CASKIN1: variants seen among roughly 807,000 people sequenced by gnomAD.
CASKIN1 encodes the protein caskin-1.
CASKIN1 carries 42 observed loss-of-function variants against 117.5 expected under a neutral mutation model. That is an observed-to-expected ratio of 0.36 (90% CI 0.28 to 0.46). The LOEUF is 0.46. Ranked by LOEUF, CASKIN1 falls within the 20% of genes least tolerant of loss-of-function variation. The pLI, the probability that CASKIN1 is intolerant of heterozygous loss-of-function variation, is 1.00. For missense variants in CASKIN1, 2,083 were observed against 2,077.3 expected (o/e 1.00, Z -0.05); for synonymous variants, 1,148 against 961.7 (o/e 1.19, Z -3.59).
chr16:2,189,121 C>T lies in CASKIN1; in HGVS notation c.523G>A (p.Ala175Thr), dbSNP rs181410156. 6.2e-7 allele frequency: 1 copy of T among 1,613,424 alleles called. No individual in the cohort carries two copies. The highest frequency in any genetic ancestry group is 2.2e-5 in the East Asian group (1 of 44,868). ...TCTCCCGGCCGGGGCTCCAGCAGCG[C>T]CGCACACATATTGCTGCTGAGGAGC... Reference protein sequence around the residue: ...QLLLSSNMCAALLEPRPGDAT... With the variant: ...QLLLSSNMCATLLEPRPGDAT... The change falls in exon 6 of 20, where the codon GCG becomes ACG. Residue 175 changes from alanine to threonine, a missense_variant. By Grantham distance (58) the Ala-to-Thr change is moderately conservative. This residue lies in a region of CASKIN1 where 203 missense variants were observed against 338.7 expected (regional missense o/e 0.60). Coordinates refer to ENST00000343516, the MANE Select transcript of CASKIN1 (RefSeq NM_020764.4).
At position 2,177,743 on chromosome 16, in the gene CASKIN1, G is replaced by A. The variant is rs957771225; in HGVS notation, c.*807C>T. ...ACACCCACATTCACCAAACCCACCC[G>A]CGCCCTGGGACGCAGCCACGCCAGG... On this transcript the variant is annotated 3_prime_UTR_variant, in exon 20 of 20. Transcript: ENST00000343516. The A allele has an allele frequency of 4.5e-5, 11 of 242,630 alleles. No individual in the cohort carries two copies. Among genetic ancestry groups the A allele is most frequent in the African/African-American group, 8.9e-5 (4 of 45,048 alleles). The allele number at this position is 242,630 out of a possible 1,614,324, so 15.0% of individuals were successfully genotyped here.
At chr16:2,178,701 AC>A in intron 19 of CASKIN1, 55 bp from the exon 20 acceptor site, 3 of 1,478,612 alleles carry the variant, frequency 2.0e-6, no homozygotes, top group Non-Finnish European at 2.7e-6. Context: ...GGCCACGCCC[AC>A]CCCGACCAGG....
rs563309232 is a variant in CASKIN1, at chr16:2,196,442, G to T, written c.-10C>A. On this transcript the variant is annotated 5_prime_UTR_variant, in exon 1 of 20. Transcript: ENST00000343516. This position sits in a 1 kb window ranked among gnomAD's most constrained non-coding sequence, Gnocchi z 5.7. ...CCTGCTCCTTCCCCATGGCGCGGCC[G>T]GGGCCGCAGCGACGCGGCTGCGCTC... 5 of 1,247,078 alleles carry T rather than the reference G, an allele frequency of 4.0e-6. No individual in the cohort carries two copies. Among genetic ancestry groups the T allele is most frequent in the Admixed American group, 3.2e-5 (1 of 31,666 alleles). 77.3% of individuals were successfully genotyped at this position (1,247,078 alleles called of 1,614,324 possible).
rs1418472356 is a variant in CASKIN1, at chr16:2,186,992, C to T, written c.916G>A (p.Gly306Arg). 1 of 1,613,862 alleles carries T rather than the reference C, an allele frequency of 6.2e-7. No individual in the cohort carries two copies. ...YDLTSLNVKA[G>R]DIITVLEQHP... Reference sequence around the variant, plus strand: ...GCCATGCTTACTGTGATGATGTCCCCTGCCTTCACGTTGAGGCTGGTCAGG... The same window carrying T: ...GCCATGCTTACTGTGATGATGTCCCTTGCCTTCACGTTGAGGCTGGTCAGG... Residue 306 changes from glycine to arginine, a missense_variant, in exon 9 of 20, where the codon GGG becomes AGG. Gly to Arg is a moderately radical substitution (Grantham distance 125). This residue lies in a region of CASKIN1 where 1,818 missense variants were observed against 1,688.9 expected (regional missense o/e 1.08). Coordinates refer to ENST00000343516, the MANE Select transcript of CASKIN1 (RefSeq NM_020764.4).
Position 2,178,646 on chromosome 16 carries a change from G to T in CASKIN1, c.4200C>A (p.Arg1400=). 3.8e-6 allele frequency: 6 copies of T among 1,587,358 alleles called. No individual in the cohort carries two copies. The highest frequency in any genetic ancestry group is 1.4e-5 in the African/African-American group (1 of 72,614). Residue 1400 remains arginine (R), a splice_region_variant and synonymous_variant, in exon 20 of 20, where the codon CGC becomes CGA. Coordinates refer to ENST00000343516, the MANE Select transcript of CASKIN1 (RefSeq NM_020764.4). ...KIRQEDAQGP[R]DSAAEKSTGS... The stretch of plus-strand genomic sequence containing the variant: ...CAGTGCTCTTTTCCGCCGCCGAGTC[G>T]CTGCGGGGCGCGGGGCAAGGGGCGT...
At chr16:2,195,345 C>T (rs1458860429) in intron 1 of CASKIN1, among the ~76,000 whole-genome samples, 1 of 152,154 alleles carries the variant, frequency 6.6e-6, no homozygotes, top group Non-Finnish European at 1.5e-5. Flanking sequence ...GAGGGGGACT[C>T]TCTGGCTTAC....
Position 2,180,475 on chromosome 16 carries a change from C to T in CASKIN1, c.2893G>A (p.Glu965Lys). ...TCAGGCTCGGCGTCAGGCACCGGCT[C>T]ATCCGCCAGGTTGGCACTAGCCAGG... is the stretch of plus-strand genomic sequence containing the variant. Reference protein sequence around the residue: ...SALASANLADEPVPDAEPEDG... With the variant: ...SALASANLADKPVPDAEPEDG... The change falls in exon 18 of 20, where the codon GAG (glutamate) becomes AAG (lysine). Residue 965 changes from glutamate (E) to lysine (K), a missense_variant. Coordinates refer to ENST00000343516, the MANE Select transcript of CASKIN1 (RefSeq NM_020764.4). 1.3e-6 allele frequency: 2 copies of T among 1,552,008 alleles called. No individual in the cohort carries two copies. Among genetic ancestry groups the T allele is most frequent in the South Asian group, 2.3e-5 (2 of 85,670 alleles).
chr16:2,189,100 C>T lies in CASKIN1; in HGVS notation c.544G>A (p.Gly182Arg). ...MCAALLEPRP[G>R]DATDPNGTSP... ...GTGCCGTTGGGGTCGGTGGCGTCTCCCGGCCGGGGCTCCAGCAGCGCCGCA... is the reference window on the plus strand; with the variant it reads ...GTGCCGTTGGGGTCGGTGGCGTCTCTCGGCCGGGGCTCCAGCAGCGCCGCA... Residue 182 changes from glycine (G) to arginine (R), a missense_variant, in exon 6 of 20, where the codon GGA (glycine) becomes AGA (arginine). By Grantham distance (125) the Gly-to-Arg change is moderately radical. Coordinates refer to ENST00000343516, the MANE Select transcript of CASKIN1 (RefSeq NM_020764.4). 2 of 1,613,554 alleles carry T rather than the reference C, an allele frequency of 1.2e-6. No homozygotes were observed. The highest frequency in any genetic ancestry group is 1.7e-6 in the Non-Finnish European group (2 of 1,179,810).
chr16:2,195,060 C>A (rs1470942346), intron 1 of CASKIN1, among the ~76,000 whole-genome samples: 3 of 152,166 alleles, frequency 2.0e-5, no homozygotes, highest in East Asian at 3.9e-4. Context: ...CTTTACCTTG[C>A]CTTCCCTCAA....
rs759074460 is a variant in CASKIN1 at position 2,179,839 on chromosome 16, C to T, written c.3529G>A (p.Val1177Met). ...LSVYHNGTGT[V>M]RRRPASEQAG... is the part of the protein sequence containing the mutation. ...TGCTCCGAGGCCGGTCGGCGGCGCACGGTGCCAGTGCCATTATGGTACACG... is the reference window on the plus strand; with the variant it reads ...TGCTCCGAGGCCGGTCGGCGGCGCATGGTGCCAGTGCCATTATGGTACACG... Residue 1177 changes from valine (V) to methionine (M), a missense_variant, in exon 18 of 20, where the codon GTG becomes ATG. Around this residue, in one of 3 missense-constraint regions of CASKIN1, gnomAD observed 1,818 missense variants for 1,688.9 expected, o/e 1.08. Transcript: ENST00000343516. This position sits in a 1 kb window ranked among gnomAD's most constrained non-coding sequence, Gnocchi z 5.8. 4.4e-6 allele frequency: 7 copies of T among 1,602,192 alleles called. No individual in the cohort carries two copies. Among genetic ancestry groups the T allele is most frequent in the South Asian group, 3.3e-5 (3 of 89,624 alleles).
intron 17 of CASKIN1, 73 bp downstream of exon 17, chr16:2,181,718 T>C (rs1206831408): frequency 8.3e-7 from 1 of 1,207,836 alleles, no homozygotes; most frequent in South Asian, 1.4e-5. Context: ...GGGCTGGGGC[T>C]GGGCTGGTGG....
intron 10 of CASKIN1, among the ~76,000 whole-genome samples, chr16:2,185,933 T>A (rs2141320646): frequency 1.3e-5 from 2 of 152,314 alleles, no homozygotes; most frequent in Admixed American, 1.3e-4. Context: ...GCGCCTTTGG[T>A]TTTTTCCTTT....
At position 2,180,886 on chromosome 16, in the gene CASKIN1, T is replaced by C; in HGVS notation, c.2482A>G (p.Thr828Ala). 1 of 1,436,934 alleles carries C rather than the reference T, an allele frequency of 7.0e-7. No individual in the cohort carries two copies. Among genetic ancestry groups the C allele is most frequent in the East Asian group, 2.6e-5 (1 of 37,818 alleles). The allele number at this position is 1,436,934 out of a possible 1,614,324, so 89.0% of individuals were successfully genotyped here. Residue 828 changes from threonine to alanine, a missense_variant, in exon 18 of 20, where the codon ACG (threonine) becomes GCG (alanine). By Grantham distance (58) the Thr-to-Ala change is moderately conservative. Around this residue, in one of 3 missense-constraint regions of CASKIN1, gnomAD observed 1,818 missense variants for 1,688.9 expected, o/e 1.08. Coordinates refer to ENST00000343516, the MANE Select transcript of CASKIN1 (RefSeq NM_020764.4). Reference sequence around the variant, plus strand: ...AGCACGTAGGCAAAGCCGCGGTGCGTCGGTGACTGAGGCAGGGAGCGGGGT... The same window carrying C: ...AGCACGTAGGCAAAGCCGCGGTGCGCCGGTGACTGAGGCAGGGAGCGGGGT... ...MSPRSLPQSP[T>A]HRGFAYVLPQ...
intron 8 of CASKIN1, 25 bp from the exon 9 acceptor site, chr16:2,187,097 G>A (rs768057589): frequency 6.8e-6 from 11 of 1,612,822 alleles, no homozygotes; most frequent in South Asian, 3.3e-5. Context: ...GGGGGCCCCC[G>A]AAGTCCTGCG....
In CASKIN1 at chr16:2,190,371, G is replaced by A. The variant is rs78780319; in HGVS notation, c.95-13C>T. On this transcript the variant is annotated splice_polypyrimidine_tract_variant and intron_variant, in intron 1 of 19. Transcript: ENST00000343516. ...GAACCCAGGAGCTCTGGGGATGGAA[G>A]GAGACTCAGTGAGGGGAGGCTGTGC... 3.2e-6 allele frequency: 5 copies of A among 1,565,846 alleles called. No homozygotes were observed. Among genetic ancestry groups the A allele is most frequent in the Non-Finnish European group, 4.3e-6 (5 of 1,154,892 alleles).
rs1202278864 is a variant in CASKIN1 at position 2,181,077 on chromosome 16, C to A, written c.2291G>T (p.Arg764Leu). 6.7e-7 allele frequency: 1 copy of A among 1,486,216 alleles called. No homozygotes were observed. The highest frequency in any genetic ancestry group is 1.4e-5 in the African/African-American group (1 of 70,166). 92.1% of individuals were successfully genotyped at this position (1,486,216 alleles called of 1,614,324 possible). A position where few individuals can be genotyped will look rare whatever the true frequency, so the allele number is the denominator to read the frequency against. Residue 764 changes from arginine to leucine, a missense_variant, in exon 18 of 20, where the codon CGG becomes CTG. Transcript: ENST00000343516. ...ASVPPVPGKP[R>L]QVLPPGTSHF... ...GCTAGTGCCTGGTGGGAGGACCTGC[C>A]GTGGCTTGCCAGGCACGGGGGGCAC...
chr16:2,183,536 C>T (rs1217716035), intron 16 of CASKIN1, 110 bp downstream of exon 16: 1 of 1,048,372 alleles, frequency 9.5e-7, no homozygotes. Context: ...ACTCTCCTCT[C>T]CCTCAAGCCC....
In CASKIN1 at chr16:2,179,027, G is replaced by C; in HGVS notation, c.4074C>G (p.Ala1358=). ...AAAAAAAAPP[A]PPEGASPGDS... Reference sequence around the variant, plus strand: ...CCCCTGGCGAGGCGCCTTCGGGCGGGGCGGGGGGCGCGGCGGCGGCGGCGG... The same window carrying C: ...CCCCTGGCGAGGCGCCTTCGGGCGGCGCGGGGGGCGCGGCGGCGGCGGCGG... The change falls in exon 19 of 20, where the codon GCC becomes GCG. Residue 1358 remains alanine, a synonymous_variant. Coordinates refer to ENST00000343516, the MANE Select transcript of CASKIN1 (RefSeq NM_020764.4). The surrounding 1 kb of genome is among the most constrained non-coding windows in gnomAD (Gnocchi z 5.8). 3.5e-6 allele frequency: 4 copies of C among 1,157,352 alleles called. No homozygotes were observed. Among genetic ancestry groups the C allele is most frequent in the Non-Finnish European group, 4.3e-6 (4 of 940,874 alleles). The allele number at this position is 1,157,352 out of a possible 1,614,324, so 71.7% of individuals were successfully genotyped here.
chr16:2,187,840 C>A lies in CASKIN1; in HGVS notation c.618-379G>T, dbSNP rs569152449. On this transcript the variant is annotated intron_variant, in intron 6 of 19. Transcript: ENST00000343516. ...TTCACCATTTTGGCCAAGCTGGACA[C>A]GAACTCCTCCCAAAGTGCTGGGAGT... Among the ~76,000 whole-genome samples, 11 of 152,126 alleles carry A rather than the reference C, an allele frequency of 7.2e-5. No individual in the cohort carries two copies. The East Asian group carries it at 2.1e-3, about 29-fold the overall frequency.
Sources: allele counts gnomAD v4.1 joint callset (sites outside exome capture counted in the v4.1 genomes callset), GRCh38; gene constraint gnomAD v4.1.1; regional missense constraint gnomAD v4.1.1; non-coding constraint Gnocchi (gnomAD v3.1); transcripts MANE v1.5; gene names NCBI Gene and HGNC (gene_info 2026-07-23, HGNC 2026-07-21).